BCL2L13: variants seen among roughly 807,000 people sequenced by gnomAD.
BCL2L13 encodes the protein BCL2 like 13.
BCL2L13 carries 13 observed loss-of-function variants against 25.8 expected under a neutral mutation model. The observed-to-expected ratio is 0.50, with a 90% CI of 0.33 to 0.80. BCL2L13 has a LOEUF of 0.80. Among genes scored for constraint, BCL2L13 ranks in the 30% least tolerant of loss-of-function variants. The pLI, the probability that BCL2L13 is intolerant of heterozygous loss-of-function variation, is 0.02. For synonymous variants in BCL2L13, 244 were observed against 230.3 expected (o/e 1.06, Z -0.54); for missense variants, 504 against 574.9 (o/e 0.88, Z 1.26).
intron 2 of BCL2L13, among the ~76,000 whole-genome samples, chr22:17,662,350 T>C (rs1364285661): frequency 6.6e-6 from 1 of 151,762 alleles, no homozygotes; most frequent in Non-Finnish European, 1.5e-5. Flanking sequence ...TGGTGGCAGG[T>C]GCCTGTAGTC....
At chr22:17,642,306 G>A (rs921969856) in intron 1 of BCL2L13, among the ~76,000 whole-genome samples, 4 of 151,644 alleles carry the variant, frequency 2.6e-5, no homozygotes, top group African/African-American at 7.3e-5. Flanking sequence ...TTACAGGTGC[G>A]TGCCACCACA....
At chr22:17,669,925 AC>A (rs1238344660) in intron 2 of BCL2L13, among the ~76,000 whole-genome samples, 2 of 152,128 alleles carry the variant, frequency 1.3e-5, no homozygotes, top group Non-Finnish European at 2.9e-5. Flanking sequence ...TTCTTTATAA[AC>A]TATCCAGTTT....
intron 2 of BCL2L13, among the ~76,000 whole-genome samples, chr22:17,680,739 C>G (rs1281280523): frequency 6.6e-6 from 1 of 151,712 alleles, no homozygotes; most frequent in Non-Finnish European, 1.5e-5. Flanking sequence ...AACACATGAT[C>G]AGAAAGTGGC....
chr22:17,669,031 T>TTTC (rs71201864), intron 2 of BCL2L13, among the ~76,000 whole-genome samples: 4 of 9,398 alleles, frequency 4.3e-4, no homozygotes, highest in Non-Finnish European at 6.3e-4. Context: ...TGTTTCTTTC[T>TTTC]TTTTTTTTTT....
At chr22:17,700,733 A>C (rs2145700120) in intron 5 of BCL2L13, among the ~76,000 whole-genome samples, 1 of 152,302 alleles carries the variant, frequency 6.6e-6, no homozygotes, top group South Asian at 2.1e-4. Flanking sequence ...ATTGTTAAGA[A>C]GGAGTTTTCA....
chr22:17,665,190 TA>T (rs1456595783), intron 2 of BCL2L13, among the ~76,000 whole-genome samples: 1 of 152,200 alleles, frequency 6.6e-6, no homozygotes, highest in Non-Finnish European at 1.5e-5. Flanking sequence ...GTCTCAGGTT[TA>T]AAGTTCCACA....
intron 2 of BCL2L13, among the ~76,000 whole-genome samples, chr22:17,674,954 A>G (rs2059535046): frequency 6.6e-6 from 1 of 152,190 alleles, no homozygotes; most frequent in African/African-American, 2.4e-5. Flanking sequence ...GTACATGTCT[A>G]TAGTAGGAAT....
chr22:17,670,315 T>G (rs2059376001), intron 2 of BCL2L13, among the ~76,000 whole-genome samples: 1 of 152,020 alleles, frequency 6.6e-6, no homozygotes, highest in Non-Finnish European at 1.5e-5. Flanking sequence ...GTTGGAATTT[T>G]GATGGGGATT....
intron 4 of BCL2L13, among the ~76,000 whole-genome samples, chr22:17,695,077 C>T (rs545507898): frequency 6.7e-6 from 1 of 150,290 alleles, no homozygotes; most frequent in East Asian, 2.0e-4. Flanking sequence ...CTTATGGTTC[C>T]AGGACCTCAA....
intron 2 of BCL2L13, among the ~76,000 whole-genome samples, chr22:17,683,005 C>T (rs536758664): frequency 2.4e-4 from 36 of 152,116 alleles, no homozygotes; most frequent in African/African-American, 7.0e-4. Flanking sequence ...TGGTGGCAGG[C>T]GCCTATAATC....
chr22:17,631,664 GTGTGTGTATATATATATATATATA>G lies in BCL2L13; in HGVS notation c.-650+2661_-650+2684del, dbSNP rs1378827852. Reference sequence around the variant, plus strand: ...ATGGTACGTGTGTGTATGTATGTGTGTGTGTGTATATATATATATATATATATATATATATATATATATTTTTTT... The same window carrying G: ...ATGGTACGTGTGTGTATGTATGTGTGTATATATATATATATATATTTTTTT... On this transcript the variant is annotated intron_variant, in intron 1 of 6. Transcript: ENST00000399782. 6.3e-4 allele frequency among the ~76,000 whole-genome samples: 17 copies of G among 26,898 alleles called. 2 individuals are homozygous for G. Among genetic ancestry groups the G allele is most frequent in the South Asian group, 2.8e-3 (2 of 716 alleles). The allele number at this position is 26,898 out of a possible 152,430, so 17.6% of individuals were successfully genotyped here.
At chr22:17,645,531 G>C (rs1413829631) in intron 1 of BCL2L13, among the ~76,000 whole-genome samples, 1 of 151,394 alleles carries the variant, frequency 6.6e-6, no homozygotes, top group Non-Finnish European at 1.5e-5. Context: ...TTTATAGTAG[G>C]ATTTAATAGC....
At chr22:17,642,565 A>G (rs987895923) in intron 1 of BCL2L13, among the ~76,000 whole-genome samples, 12 of 151,682 alleles carry the variant, frequency 7.9e-5, no homozygotes, top group Middle Eastern at 3.5e-3. Context: ...CATTGTGTGG[A>G]CATACCACAT....
rs1478480601 is a variant in BCL2L13, at chr22:17,642,539, T to C, written c.-51+3653T>C. ...TGTATCAGTACTTTATTCCTTTTTATTGCTGCATTCTATTCCATTGTGTGG... is the reference window on the plus strand; with the variant it reads ...TGTATCAGTACTTTATTCCTTTTTACTGCTGCATTCTATTCCATTGTGTGG... On this transcript the variant is annotated intron_variant, in intron 1 of 6. Coordinates refer to ENST00000317582, the MANE Select transcript of BCL2L13 (RefSeq NM_015367.4). Among the ~76,000 whole-genome samples, 4 of 152,306 alleles carry C rather than the reference T, an allele frequency of 2.6e-5. No individual in the cohort carries two copies. In the East Asian group the frequency reaches 7.7e-4, roughly 29 times the overall value.
chr22:17,635,820 C>T (rs886509776), upstream of BCL2L13, among the ~76,000 whole-genome samples: 8 of 151,974 alleles, frequency 5.3e-5, no homozygotes, highest in Admixed American at 5.2e-4. Flanking sequence ...AGTGATTCTT[C>T]TGCCTCAGCC....
rs967522448 is a variant in BCL2L13, at chr22:17,662,424, G to A, written c.121+6592G>A. The stretch of plus-strand genomic sequence containing the variant: ...ACCCGGGAGGCAGAGGTTGCAGTGA[G>A]CTGAGATCGTGCCACTGCACTCCAG... On this transcript the variant is annotated intron_variant, in intron 2 of 6. Transcript: ENST00000317582. Among the ~76,000 whole-genome samples, 15 of 152,324 alleles carry A rather than the reference G, an allele frequency of 9.8e-5. 1 individual carries two copies. Among genetic ancestry groups the A allele is most frequent in the African/African-American group, 3.6e-4 (15 of 41,576 alleles).
intron 1 of BCL2L13, among the ~76,000 whole-genome samples, chr22:17,640,548 A>G (rs929574204): frequency 1.3e-5 from 2 of 152,124 alleles, no homozygotes; most frequent in Non-Finnish European, 2.9e-5. Context: ...GTGGTTTGCA[A>G]CAGTAATAAT....
At chr22:17,691,360 G>C (rs5747331) in intron 4 of BCL2L13, among the ~76,000 whole-genome samples, 21 of 16,228 alleles carry the variant, frequency 1.3e-3, no homozygotes, top group Admixed American at 6.8e-3. Flanking sequence ...TAATCTTTTT[G>C]TCCTGGCTGG....
intron 6 of BCL2L13, among the ~76,000 whole-genome samples, chr22:17,715,156 ATATATATATATATATTTTTTTTTTTTT>A (rs1569008030): frequency 3.0e-3 from 17 of 5,660 alleles, no homozygotes; most frequent in Admixed American, 4.7e-3. Context: ...ATATATATAT[ATATATATATATATATTTTTTTTTTTTT>A]TTTTTTTTTT....
Sources: allele counts gnomAD v4.1 joint callset (sites outside exome capture counted in the v4.1 genomes callset), GRCh38; gene constraint gnomAD v4.1.1; transcripts MANE v1.5; gene names NCBI Gene and HGNC (gene_info 2026-07-23, HGNC 2026-07-21).